ATP8B1: variants seen among roughly 807,000 people sequenced by gnomAD.
The protein encoded by ATP8B1 is ATPase phospholipid transporting 8B1, also known as phospholipid-transporting ATPase IC.
A neutral mutation model predicts 149.9 loss-of-function variants in ATP8B1; 80 were observed. The ratio of observed to expected loss-of-function variants is 0.53; its 90% CI spans 0.45 to 0.64. The LOEUF (loss-of-function observed/expected upper bound fraction) is 0.64. Among genes scored for constraint, ATP8B1 ranks in the 30% least tolerant of loss-of-function variants. ATP8B1 has a pLI of 0.00. For missense variants in ATP8B1, 1,247 were observed against 1,552.6 expected, an observed-to-expected ratio of 0.80 and a Z score of 3.31; for synonymous variants, 536 against 562.8, an observed-to-expected ratio of 0.95 and a Z score of 0.67.
At chr18:57,691,724 GATC>G (rs1912538808) in intron 12 of ATP8B1, 80 bp downstream of exon 12, 5 of 1,498,128 alleles carry the variant, frequency 3.3e-6, no homozygotes, top group Middle Eastern at 1.9e-4. Flanking sequence ...TTGAAACAGT[GATC>G]ACTAGAAATG....
At chr18:57,725,939 C>G (rs990119090) in intron 2 of ATP8B1, among the ~76,000 whole-genome samples, 2 of 152,024 alleles carry the variant, frequency 1.3e-5, no homozygotes, top group Non-Finnish European at 2.9e-5. Context: ...CCAAGAAAAC[C>G]CTGGGGAAGT....
chr18:57,717,390 A>T (rs961330177), intron 2 of ATP8B1, among the ~76,000 whole-genome samples: 3 of 151,526 alleles, frequency 2.0e-5, no homozygotes, highest in African/African-American at 7.3e-5. Context: ...CTAAAAAAAT[A>T]CAAAAAACTT....
intron 1 of ATP8B1, among the ~76,000 whole-genome samples, chr18:57,786,711 C>A (rs1479854902): frequency 1.3e-5 from 2 of 152,208 alleles, no homozygotes; most frequent in Non-Finnish European, 2.9e-5. Flanking sequence ...GGAGGTAGCA[C>A]CTCAAGTGAT....
chr18:57,739,071 C>T (rs1236277946), intron 1 of ATP8B1, among the ~76,000 whole-genome samples: 1 of 152,168 alleles, frequency 6.6e-6, no homozygotes, highest in African/African-American at 2.4e-5. Flanking sequence ...TCTCAGCTCA[C>T]TGCAACCTCC....
intron 1 of ATP8B1, among the ~76,000 whole-genome samples, chr18:57,759,561 G>A (rs2080126259): frequency 6.6e-6 from 1 of 152,168 alleles, no homozygotes; most frequent in Admixed American, 6.6e-5. Flanking sequence ...TGTAATCCCA[G>A]CACTTCGGGA....
intron 15 of ATP8B1, 68 bp downstream of exon 15, chr18:57,683,968 A>G (rs545931729): frequency 4.9e-5 from 77 of 1,582,044 alleles, no homozygotes; most frequent in African/African-American, 1.7e-4. Context: ...CATTTGAGCC[A>G]TAAGCAGGAG....
intron 4 of ATP8B1, among the ~76,000 whole-genome samples, chr18:57,702,611 A>G (rs1378403540): frequency 6.6e-6 from 1 of 152,184 alleles, no homozygotes; most frequent in African/African-American, 2.4e-5. Context: ...TAATCCCAAC[A>G]CTTTGGGAGG....
In ATP8B1 at chr18:57,688,498, C is replaced by G. The variant is rs1912373624; in HGVS notation, c.1230G>C (p.Val410=). The G allele has an allele frequency of 6.2e-7, 1 of 1,614,180 alleles. No homozygotes were observed. Among genetic ancestry groups the G allele is most frequent in the African/African-American group, 1.3e-5 (1 of 75,048 alleles). ...VPISLYVSVE[V]IRLGQSHFIN... ...TGAAGTGACTCTGTCCAAGACGAAT[C>G]ACTTCCACGCTAGGAAGACAGAAGA... The change falls in exon 13 of 28, where the codon GTG becomes GTC. Residue 410 remains valine, a synonymous_variant. Transcript: ENST00000648908.
At chr18:57,715,371 AG>A (rs2079574322) in intron 2 of ATP8B1, among the ~76,000 whole-genome samples, 1 of 152,188 alleles carries the variant, frequency 6.6e-6, no homozygotes, top group African/African-American at 2.4e-5. Context: ...TACAAGATCT[AG>A]AAAATAGACT....
At chr18:57,759,221 T>C (rs1431581069) in intron 1 of ATP8B1, among the ~76,000 whole-genome samples, 1 of 151,192 alleles carries the variant, frequency 6.6e-6, no homozygotes, top group African/African-American at 2.4e-5. Flanking sequence ...TTCCCTTTCT[T>C]TCTCTGTTTT....
intron 20 of ATP8B1, among the ~76,000 whole-genome samples, chr18:57,663,924 G>A (rs1353551954): frequency 4.0e-5 from 6 of 151,476 alleles, no homozygotes; most frequent in Admixed American, 2.0e-4. Context: ...GCACCACCAT[G>A]CCCAGCTAAT....
rs1484564694 is a variant in ATP8B1, at chr18:57,694,628, A to G, written c.983T>C (p.Phe328Ser). Residue 328 changes from phenylalanine to serine, a missense_variant, in exon 11 of 28, where the codon TTT (phenylalanine) becomes TCT (serine). Physicochemically the swap from Phe to Ser is radical, Grantham distance 155. This residue lies in a region of ATP8B1 where 853 missense variants were observed against 1,035.7 expected (regional missense o/e 0.82). Coordinates refer to ENST00000648908, the MANE Select transcript of ATP8B1 (RefSeq NM_001374385.1). Reference sequence around the variant, plus strand: ...CAAGTAATCAATTTTAGTTCTTTTAAATCTGGTTTTCCCACTATTCTTCAT... The same window carrying G: ...CAAGTAATCAATTTTAGTTCTTTTAGATCTGGTTTTCCCACTATTCTTCAT... ...KIMKNSGKTR[F>S]KRTKIDYLMN... is the part of the protein sequence containing the mutation. The G allele has an allele frequency of 6.3e-7, 1 of 1,595,704 alleles. No individual in the cohort carries two copies. The highest frequency in any genetic ancestry group is 2.2e-5 in the East Asian group (1 of 44,782).
intron 27 of ATP8B1, among the ~76,000 whole-genome samples, chr18:57,649,022 T>C (rs1233617244): frequency 1.3e-5 from 2 of 152,074 alleles, no homozygotes; most frequent in African/African-American, 4.8e-5. Flanking sequence ...CTCAGCCTCC[T>C]GAGTAACTGG....
rs543866898 is a variant in ATP8B1 at position 57,648,505 on chromosome 18, G to A, written c.3739C>T (p.Arg1247Cys). 2.4e-4 allele frequency: 388 copies of A among 1,611,310 alleles called. No homozygotes were observed. The highest frequency in any genetic ancestry group is 2.9e-4 in the Non-Finnish European group (344 of 1,179,988). Residue 1247 changes from arginine (R) to cysteine (C), a missense_variant, in exon 28 of 28, where the codon CGC becomes TGC. Physicochemically the swap from Arg to Cys is radical, Grantham distance 180. Around this residue, in one of 3 missense-constraint regions of ATP8B1, gnomAD observed 164 missense variants for 160.3 expected, o/e 1.02. Transcript: ENST00000648908. ...GTAAGGGATCAGCTGTCCCCGGTGC[G>A]CCTGTACTCCGCGGTGCCATCCGCC... ...IVADGTAEYR[R>C]TGDS
rs1599093932 is a variant in ATP8B1, at chr18:57,669,094, G to T, written c.2097+224C>A. 1.3e-5 allele frequency: 5 copies of T among 384,972 alleles called. No individual in the cohort carries two copies. The East Asian group carries it at 2.1e-4, about 16-fold the overall frequency. The allele number at this position is 384,972 out of a possible 1,614,324, so 23.8% of individuals were successfully genotyped here. A position where few individuals can be genotyped will look rare whatever the true frequency, so the allele number is the denominator to read the frequency against. On this transcript the variant is annotated intron_variant, in intron 18 of 27. Coordinates refer to ENST00000648908, the MANE Select transcript of ATP8B1 (RefSeq NM_001374385.1). ...ATATACAAATTATGGAATTAAATTA[G>T]AACTTCTCCTAATGTATTTTGTCTT...
intron 2 of ATP8B1, among the ~76,000 whole-genome samples, chr18:57,707,668 C>G (rs1913476755): frequency 6.6e-6 from 1 of 151,526 alleles, no homozygotes; most frequent in South Asian, 2.1e-4. Context: ...GCCACCACAC[C>G]CGGCTAATTT....
intron 21 of ATP8B1, among the ~76,000 whole-genome samples, chr18:57,661,713 ATTTTTTTTTTT>A (rs759201755): frequency 1.1e-5 from 1 of 92,670 alleles, no homozygotes; most frequent in African/African-American, 4.7e-5. Context: ...ATATATATAT[ATTTTTTTTTTT>A]TTTTTTTTTG....
At chr18:57,758,702 T>C (rs187447177) in intron 1 of ATP8B1, among the ~76,000 whole-genome samples, 1 of 152,094 alleles carries the variant, frequency 6.6e-6, no homozygotes. Flanking sequence ...TTTCCTTTTT[T>C]CTTTTACAAA....
chr18:57,688,733 A>C, intron 12 of ATP8B1: 2 of 550,710 alleles, frequency 3.6e-6, no homozygotes, highest in Non-Finnish European at 6.5e-6. Flanking sequence ...CACCCTTATG[A>C]ATGGGATTAG....
Sources: allele counts gnomAD v4.1 joint callset (sites outside exome capture counted in the v4.1 genomes callset), GRCh38; gene constraint gnomAD v4.1.1; regional missense constraint gnomAD v4.1.1; transcripts MANE v1.5; gene names NCBI Gene and HGNC (gene_info 2026-07-23, HGNC 2026-07-21).